Variants in BEND2 observed in about 807,000 individuals in gnomAD.
BEND2 encodes the protein BEN domain-containing protein 2.
Under a neutral mutation model 43.8 loss-of-function variants are expected in BEND2, and 19 were observed. The ratio of observed to expected loss-of-function variants is 0.43; its 90% CI spans 0.30 to 0.64. The LOEUF (loss-of-function observed/expected upper bound fraction) is 0.64, where lower values mean the gene tolerates loss of function less well. BEND2 is among the 30% of genes least tolerant of loss of function. BEND2 has a pLI of 0.11. For synonymous variants in BEND2, 226 were observed against 210.1 expected, an observed-to-expected ratio of 1.08 and a Z score of -0.66; for missense variants, 544 against 574.0, an observed-to-expected ratio of 0.95 and a Z score of 0.53.
chrX:18,168,964 G>A (rs183710915), intron 13 of BEND2, among the ~76,000 whole-genome samples: 301 of 110,433 alleles, frequency 2.7e-3, no homozygotes, highest in Non-Finnish European at 4.6e-3. Context: ...CCCCATTTAT[G>A]TACATTAAAA....
At chrX:18,182,242 G>T in intron 8 of BEND2, among the ~76,000 whole-genome samples, 1 of 110,453 alleles carries the variant, frequency 9.1e-6, no homozygotes, top group Non-Finnish European at 1.9e-5. Flanking sequence ...AGATCTGATG[G>T]TTTAAAAGTG....
At position 18,216,495 on chromosome X, in the gene BEND2, C is replaced by G. The variant is rs1348181022; in HGVS notation, c.238+26G>C. 7.8e-6 allele frequency: 9 copies of G among 1,158,650 alleles called. No homozygotes were observed. In the East Asian group the frequency reaches 2.7e-4, roughly 35 times the overall value. On this transcript the variant is annotated intron_variant, in intron 2 of 13. Transcript: ENST00000380033. ...ATGGGGACCAGAGAGTAAAATTTTG[C>G]CAAGGATGAAATTTAACAAAATTAC... is the stretch of plus-strand genomic sequence containing the variant.
At position 18,216,438 on chromosome X, in the gene BEND2, G is replaced by A. The variant is rs1360092875; in HGVS notation, c.238+83C>T. On this transcript the variant is annotated intron_variant, in intron 2 of 13. Coordinates refer to ENST00000380033, the MANE Select transcript of BEND2 (RefSeq NM_153346.5). ...TCTGGTCATAACTAATTACTGTAAA[G>A]GTTACAGGAATATTTAAGCAATTTA... The A allele has an allele frequency of 8.1e-6, 7 of 859,827 alleles. No individual in the cohort carries two copies. The East Asian group carries it at 2.2e-4, about 27-fold the overall frequency. 70.9% of individuals were successfully genotyped at this position (859,827 alleles called of 1,213,427 possible).
intron 1 of BEND2, among the ~76,000 whole-genome samples, chrX:18,220,227 G>C (rs763590083): frequency 4.9e-4 from 55 of 112,411 alleles, no homozygotes; most frequent in African/African-American, 1.7e-3. Flanking sequence ...GCTGTGTTCC[G>C]CGGCTGCCCA....
chrX:18,175,873 C>G, intron 11 of BEND2, 99 bp downstream of exon 11: 1 of 800,629 alleles, frequency 1.2e-6, no homozygotes, highest in Non-Finnish European at 1.7e-6. Context: ...AATTTTAGCA[C>G]ATGGCCTAAA....
At chrX:18,209,997 C>T (rs1925456492) in intron 4 of BEND2, among the ~76,000 whole-genome samples, 2 of 110,610 alleles carry the variant, frequency 1.8e-5, no homozygotes, top group African/African-American at 6.6e-5. Context: ...ATTTTTGCAA[C>T]TCTTCTGTAA....
intron 1 of BEND2, among the ~76,000 whole-genome samples, chrX:18,220,501 G>T (rs928334950): frequency 7.2e-5 from 8 of 111,527 alleles, no homozygotes; most frequent in Middle Eastern, 4.6e-3. Flanking sequence ...CCCCTGAGAC[G>T]ACCTGAACCC....
At chrX:18,189,199 C>CA (rs34280162) in intron 8 of BEND2, among the ~76,000 whole-genome samples, 2,140 of 72,728 alleles carry the variant, frequency 0.029, 84 homozygotes, top group African/African-American at 0.098. Context: ...GAATCCATCT[C>CA]AAAAAAAAAA....
chrX:18,204,589 TAAGTC>T (rs1925271938), intron 4 of BEND2, among the ~76,000 whole-genome samples: 1 of 111,825 alleles, frequency 8.9e-6, no homozygotes, highest in African/African-American at 3.2e-5. Context: ...AAAATGCCAT[TAAGTC>T]AAATGTTAAC....
At chrX:18,220,551 G>A (rs1044309485) in intron 1 of BEND2, among the ~76,000 whole-genome samples, 175 bp downstream of exon 1, 1 of 112,089 alleles carries the variant, frequency 8.9e-6, no homozygotes, top group Non-Finnish European at 1.9e-5. Flanking sequence ...TCCCACCGGC[G>A]CGCTGAGCAA....
At chrX:18,185,188 A>G (rs751896414) in intron 8 of BEND2, among the ~76,000 whole-genome samples, 1 of 109,947 alleles carries the variant, frequency 9.1e-6, no homozygotes, top group East Asian at 2.9e-4. Flanking sequence ...TCTAAGAGTT[A>G]TTGGCCTTAA....
intron 8 of BEND2, 71 bp downstream of exon 8, chrX:18,190,930 C>A: frequency 1.1e-6 from 1 of 935,756 alleles, no homozygotes; most frequent in Non-Finnish European, 1.5e-6. Context: ...TAAAGGTACA[C>A]AAGATCTCTC....
At chrX:18,217,627 GT>G (rs1022968990) in intron 1 of BEND2, among the ~76,000 whole-genome samples, 7 of 111,071 alleles carry the variant, frequency 6.3e-5, no homozygotes, top group Non-Finnish European at 1.3e-4. Context: ...AAAAAGTGGG[GT>G]TTTTTTAAGA....
chrX:18,170,103 C>G (rs915839746), intron 13 of BEND2, among the ~76,000 whole-genome samples: 1 of 111,289 alleles, frequency 9.0e-6, no homozygotes, highest in African/African-American at 3.3e-5. Context: ...CAGTGATGTT[C>G]AAGTTGCAAG....
At chrX:18,182,585 G>A (rs571085936) in intron 8 of BEND2, among the ~76,000 whole-genome samples, 1 of 111,419 alleles carries the variant, frequency 9.0e-6, no homozygotes, top group South Asian at 3.8e-4. Flanking sequence ...AACAATAAAA[G>A]GGTTAACCCC....
At chrX:18,220,648 C>T in intron 1 of BEND2, 78 bp downstream of exon 1, 2 of 1,182,327 alleles carry the variant, frequency 1.7e-6, no homozygotes, top group Non-Finnish European at 2.3e-6. Context: ...TGAATGGCCA[C>T]CTAAGTGGGT....
intron 7 of BEND2, among the ~76,000 whole-genome samples, chrX:18,194,972 A>AAC (rs201244726): frequency 0.024 from 2,365 of 99,253 alleles, 27 homozygotes; most frequent in East Asian, 0.031. Context: ...CATAGTACTA[A>AAC]ACACACACAC....
rs370857911 is a variant in BEND2, at chrX:18,180,662, G to A, written c.1289-12C>T. On this transcript the variant is annotated splice_polypyrimidine_tract_variant and intron_variant, in intron 8 of 13. Transcript: ENST00000380033. ...CAGAGGTAACAGTGCTGAAAGAAAA[G>A]AACTCTCAACTGACAATTCTATATC... 223 of 1,174,635 alleles carry A rather than the reference G, an allele frequency of 1.9e-4. 1 individual carries two copies. The highest frequency in any genetic ancestry group is 2.0e-4 in the Non-Finnish European group (169 of 863,874).
In BEND2 at chrX:18,192,748, T is replaced by C. The variant is rs188263606; in HGVS notation, c.1181-1640A>G. Reference sequence around the variant, plus strand: ...AGCCAACTGTGAAACATCCATACCATGGAATAGTGTCCACAATAAAAATTA... The same window carrying C: ...AGCCAACTGTGAAACATCCATACCACGGAATAGTGTCCACAATAAAAATTA... On this transcript the variant is annotated intron_variant, in intron 7 of 13. Transcript: ENST00000380033. Among the ~76,000 whole-genome samples the C allele has an allele frequency of 4.6e-3, 517 of 112,372 alleles. 6 individuals carry two copies. The highest frequency in any genetic ancestry group is 0.015 in the African/African-American group (478 of 30,949).
Sources: allele counts gnomAD v4.1 joint callset (sites outside exome capture counted in the v4.1 genomes callset), GRCh38; gene constraint gnomAD v4.1.1; transcripts MANE v1.5; gene names NCBI Gene and HGNC (gene_info 2026-07-23, HGNC 2026-07-21).